The following ACOX3 variants were observed in gnomAD, a reference collection of about 807,000 sequenced individuals.
The protein encoded by ACOX3 is acyl-CoA oxidase 3, pristanoyl, also known as peroxisomal acyl-coenzyme A oxidase 3.
A neutral mutation model predicts 81.5 loss-of-function variants in ACOX3; 73 were observed. That is an observed-to-expected ratio of 0.90 (90% CI 0.74 to 1.09). The LOEUF (loss-of-function observed/expected upper bound fraction) is 1.09, where lower values mean the gene tolerates loss of function less well. Ranked by LOEUF, ACOX3 falls within the 50% of genes least tolerant of loss-of-function variation. The probability of loss-of-function intolerance (pLI) is 0.00; values close to 1 mark genes in which losing one functional copy is unlikely to be tolerated. For synonymous variants in ACOX3, 387 were observed against 375.1 expected, an observed-to-expected ratio of 1.03 and a Z score of -0.37; for missense variants, 947 against 928.0, an observed-to-expected ratio of 1.02 and a Z score of -0.27.
chr4:8,362,596 A>G (rs1450678696), downstream of ACOX3, among the ~76,000 whole-genome samples: 1 of 152,240 alleles, frequency 6.6e-6, no homozygotes, highest in African/African-American at 2.4e-5. Flanking sequence ...GCATTAAGGA[A>G]TCAAACTTGA....
intron 3 of ACOX3, 71 bp downstream of exon 3, chr4:8,415,695 T>G: frequency 7.2e-7 from 1 of 1,396,004 alleles, no homozygotes; most frequent in African/African-American, 1.4e-5. Flanking sequence ...TGGTTGGCCC[T>G]GGGACAGGCA....
chr4:8,397,278 C>T (rs749373846), intron 8 of ACOX3, among the ~76,000 whole-genome samples, 159 bp from the exon 9 acceptor site: 13 of 152,212 alleles, frequency 8.5e-5, no homozygotes, highest in East Asian at 1.9e-4. Context: ...CAGGACGGTG[C>T]GGCAGGCGGG....
At chr4:8,380,097 C>T (rs17806817) in intron 14 of ACOX3, among the ~76,000 whole-genome samples, 4,119 of 152,226 alleles carry the variant, frequency 0.027, 70 homozygotes, top group South Asian at 0.038. Context: ...TCACTTCACG[C>T]TTTGGTCACC....
intron 8 of ACOX3, among the ~76,000 whole-genome samples, chr4:8,398,349 C>T (rs567308938): frequency 1.2e-4 from 18 of 152,232 alleles, no homozygotes; most frequent in African/African-American, 4.1e-4. Context: ...ATTTCTCTAC[C>T]GTGTGTCTGG....
intron 17 of ACOX3, among the ~76,000 whole-genome samples, chr4:8,367,991 CAAA>C (rs536606440): frequency 6.7e-5 from 8 of 119,048 alleles, no homozygotes; most frequent in Non-Finnish European, 5.4e-5. Context: ...GATCCTATCT[CAAA>C]AAAAAAAAAA....
chr4:8,374,807 C>T, intron 15 of ACOX3, 171 bp downstream of exon 15: 2 of 702,682 alleles, frequency 2.8e-6, no homozygotes, highest in Non-Finnish European at 4.3e-6. Flanking sequence ...CGCTGCTCTG[C>T]CCCATATGCT....
At chr4:8,398,629 C>G (rs1483730319) in intron 8 of ACOX3, among the ~76,000 whole-genome samples, 1 of 152,180 alleles carries the variant, frequency 6.6e-6, no homozygotes, top group African/African-American at 2.4e-5. Flanking sequence ...GCACACGCTA[C>G]CATGCCCGGC....
chr4:8,410,398 A>G, intron 5 of ACOX3, 43 bp from the exon 6 acceptor site: 1 of 1,602,800 alleles, frequency 6.2e-7, no homozygotes, highest in Non-Finnish European at 8.5e-7. Context: ...TAGCAACTAA[A>G]GCACATGCAG....
intron 17 of ACOX3, among the ~76,000 whole-genome samples, chr4:8,369,558 C>G (rs1715894552): frequency 6.6e-6 from 1 of 152,208 alleles, no homozygotes; most frequent in African/African-American, 2.4e-5. Flanking sequence ...CCATCCCTGC[C>G]TCTCCTACTA....
chr4:8,383,195 G>A (rs1287945254), intron 13 of ACOX3, among the ~76,000 whole-genome samples: 1 of 152,192 alleles, frequency 6.6e-6, no homozygotes. Context: ...ATGGAAAGAC[G>A]GGTGCTGCTG....
intron 14 of ACOX3, among the ~76,000 whole-genome samples, chr4:8,375,886 G>C (rs1716907468): frequency 6.6e-6 from 1 of 152,176 alleles, no homozygotes; most frequent in Non-Finnish European, 1.5e-5. Context: ...TGGTGTCTAT[G>C]TACCCCATTT....
In ACOX3 at chr4:8,411,073, G is replaced by C. The variant is rs571894323; in HGVS notation, c.544-718C>G. Among the ~76,000 whole-genome samples the C allele has an allele frequency of 2.4e-4, 36 of 152,368 alleles. 1 individual carries two copies. Among genetic ancestry groups the C allele is most frequent in the Middle Eastern group, 6.8e-3 (2 of 294 alleles). ...GGCTGGGCCTGCCCCAGGGGCGTCT[G>C]CTGGGAGCCCTTCGAGTAAGGCTGG... is the stretch of plus-strand genomic sequence containing the variant. On this transcript the variant is annotated intron_variant, in intron 5 of 17. Coordinates refer to ENST00000356406, the MANE Select transcript of ACOX3 (RefSeq NM_003501.3).
At chr4:8,392,206 A>G in intron 11 of ACOX3, 127 bp downstream of exon 11, 1 of 1,248,926 alleles carries the variant, frequency 8.0e-7, no homozygotes, top group Non-Finnish European at 1.1e-6. Context: ...GTTCCAATAA[A>G]ACTTTATTTG....
In ACOX3 at chr4:8,389,622, G is replaced by A; in HGVS notation, c.1413C>T (p.His471=). Residue 471 remains histidine (H), a synonymous_variant, in exon 12 of 18, where the codon CAC becomes CAT. Coordinates refer to ENST00000356406, the MANE Select transcript of ACOX3 (RefSeq NM_003501.3). The surrounding 1 kb of genome is among the most constrained non-coding windows in gnomAD (Gnocchi z 5.3). ...GCAGCAGAGCCTCACCGTGGACCTG[G>A]TGTGCCAGGAGACCCAGCAAATAGT... is the stretch of plus-strand genomic sequence containing the variant. ...TSNYLLGLLA[H]QVHDGACFRS... 1.9e-6 allele frequency: 3 copies of A among 1,613,900 alleles called. No individual in the cohort carries two copies. The highest frequency in any genetic ancestry group is 2.5e-6 in the Non-Finnish European group (3 of 1,180,022).
the ACOX3 span, chr4:8,357,534 T>C: frequency 3.4e-6 from 1 of 296,656 alleles, no homozygotes; most frequent in Non-Finnish European, 6.7e-6. Context: ...AGTTTTACAA[T>C]CAGAAAACGG....
At chr4:8,374,536 A>C (rs11724388) in intron 15 of ACOX3, 10,452 of 160,886 alleles carry the variant, frequency 0.065, 443 homozygotes, top group East Asian at 0.11. Context: ...ACGAACAAAA[A>C]GTTGACAAAC....
chr4:8,382,260 C>T lies in ACOX3; in HGVS notation c.1538-653G>A, dbSNP rs1490415847. Reference sequence around the variant, plus strand: ...TGTCAGGCAGGACAGCTGGAGACCCCCCTTCGTCCTCCCCTTCCCCTGGCA... The same window carrying T: ...TGTCAGGCAGGACAGCTGGAGACCCTCCTTCGTCCTCCCCTTCCCCTGGCA... On this transcript the variant is annotated intron_variant, in intron 13 of 17. Transcript: ENST00000356406. This position sits in a 1 kb window ranked among gnomAD's most constrained non-coding sequence, Gnocchi z 4.1. Among the ~76,000 whole-genome samples, 1 of 152,194 alleles carries T rather than the reference C, an allele frequency of 6.6e-6. No individual in the cohort carries two copies. Among genetic ancestry groups the T allele is most frequent in the Non-Finnish European group, 1.5e-5 (1 of 68,012 alleles).
rs1256431582 is a variant in ACOX3, at chr4:8,386,222, A to G, written c.1537+2951T>C. ...TATTGGTTGGGTTGAAGTTACCACA[A>G]TGATTAGGTCATTTTCTAGTTCTTT... is the stretch of plus-strand genomic sequence containing the variant. On this transcript the variant is annotated intron_variant, in intron 13 of 17. Coordinates refer to ENST00000356406, the MANE Select transcript of ACOX3 (RefSeq NM_003501.3). The surrounding 1 kb of genome is among the most constrained non-coding windows in gnomAD (Gnocchi z 5.2). Among the ~76,000 whole-genome samples the G allele has an allele frequency of 4.6e-5, 7 of 151,974 alleles. No homozygotes were observed. The highest frequency in any genetic ancestry group is 7.3e-5 in the Non-Finnish European group (5 of 68,028).
chr4:8,420,738 C>G (rs912913927), intron 1 of ACOX3, among the ~76,000 whole-genome samples: 2 of 152,198 alleles, frequency 1.3e-5, no homozygotes, highest in African/African-American at 4.8e-5. Flanking sequence ...TGAGCTATCA[C>G]TTGCTGTCCA....
Sources: gnomAD v4.1 joint callset for allele counts (sites outside exome capture counted in the v4.1 genomes callset) on GRCh38, gnomAD v4.1.1 for gene constraint, Gnocchi (gnomAD v3.1) non-coding constraint, MANE v1.5 for transcripts, NCBI Gene and HGNC (gene_info 2026-07-23, HGNC 2026-07-21) for gene names.